TANGO2: variants seen among roughly 807,000 people sequenced by gnomAD.
TANGO2 encodes the protein transport and Golgi organization protein 2 homolog.
In TANGO2, 26 loss-of-function variants were observed where a neutral mutation model predicts 39.1. That is an observed-to-expected ratio of 0.67 (90% CI 0.49 to 0.92). The LOEUF (loss-of-function observed/expected upper bound fraction) is 0.92, where lower values mean the gene tolerates loss of function less well. TANGO2 is among the 40% of genes least tolerant of loss of function. The pLI, the probability that TANGO2 is intolerant of heterozygous loss-of-function variation, is 0.00. For synonymous variants in TANGO2, 131 were observed against 144.5 expected, an observed-to-expected ratio of 0.91 and a Z score of 0.67; for missense variants, 326 against 360.1, an observed-to-expected ratio of 0.91 and a Z score of 0.77.
intron 3 of TANGO2, among the ~76,000 whole-genome samples, chr22:20,051,577 T>C (rs553559914): frequency 8.6e-5 from 13 of 151,250 alleles, no homozygotes; most frequent in African/African-American, 3.2e-4. Flanking sequence ...TCCTAGCCAG[T>C]GCAGTGGCTC....
chr22:20,062,940 G>A (rs2048648713), intron 7 of TANGO2: 1 of 171,470 alleles, frequency 5.8e-6, no homozygotes, highest in South Asian at 1.6e-4. Flanking sequence ...GGTCAACATG[G>A]TGAAACTCTG....
chr22:20,059,294 C>T (rs1457983699), intron 6 of TANGO2, among the ~76,000 whole-genome samples: 1 of 152,198 alleles, frequency 6.6e-6, no homozygotes, highest in Non-Finnish European at 1.5e-5. Context: ...CATTAATGGA[C>T]ACTTGAGTTT....
chr22:20,048,258 C>G (rs956586081), intron 3 of TANGO2: 4 of 152,180 alleles, frequency 2.6e-5, no homozygotes, highest in Non-Finnish European at 1.5e-5. Context: ...GCTTTTCCTG[C>G]TTTGCTTGGA....
chr22:20,036,921 A>AC, intron 2 of TANGO2, 67 bp downstream of exon 2: 1 of 1,613,984 alleles, frequency 6.2e-7, no homozygotes. Flanking sequence ...TTCTCATGCC[A>AC]CCCAAGCTGC....
chr22:20,063,658 AGCCACACAGGGCCAGGAT>A, intron 8 of TANGO2: 1 of 509,356 alleles, frequency 2.0e-6, no homozygotes, highest in Admixed American at 3.6e-5. Flanking sequence ...GCCAGTACAC[AGCCACACAGGGCCAGGAT>A]GGCTTCAGGG....
intron 3 of TANGO2, among the ~76,000 whole-genome samples, chr22:20,045,272 C>CAA (rs695778): frequency 9.4e-4 from 114 of 121,242 alleles, no homozygotes; most frequent in Non-Finnish European, 1.6e-3. Flanking sequence ...CCTGTCTTTA[C>CAA]AAAAAAAAAA....
At chr22:20,027,546 CAT>C (rs1400979936) in intron 1 of TANGO2, among the ~76,000 whole-genome samples, 3 of 152,170 alleles carry the variant, frequency 2.0e-5, no homozygotes, top group East Asian at 1.9e-4. Flanking sequence ...TGTCTGCTCA[CAT>C]GTGTGTGCAA....
intron 2 of TANGO2, among the ~76,000 whole-genome samples, chr22:20,042,445 A>C (rs376820498): frequency 6.6e-6 from 1 of 152,284 alleles, no homozygotes; most frequent in African/African-American, 2.4e-5. Context: ...TAAAGTTTAG[A>C]TGTCTCTCCT....
intron 6 of TANGO2, chr22:20,056,777 A>G (rs2047440866): frequency 4.4e-6 from 2 of 456,624 alleles, no homozygotes; most frequent in Non-Finnish European, 4.4e-6. Flanking sequence ...ACAAAACTGT[A>G]GGGACCATAG....
At chr22:20,059,787 T>G (rs542018262) in intron 6 of TANGO2, among the ~76,000 whole-genome samples, 3 of 152,314 alleles carry the variant, frequency 2.0e-5, no homozygotes, top group Non-Finnish European at 2.9e-5. Context: ...AGCTTAAAAT[T>G]TTTAAGTCCT....
At chr22:20,041,937 T>C (rs535706307) in intron 2 of TANGO2, among the ~76,000 whole-genome samples, 22 of 152,324 alleles carry the variant, frequency 1.4e-4, no homozygotes, top group African/African-American at 5.3e-4. Context: ...GCTCTGCTCC[T>C]TGGAGCTGCC....
intron 5 of TANGO2, chr22:20,053,977 G>T (rs145835619): frequency 7.9e-5 from 27 of 342,396 alleles, no homozygotes; most frequent in Admixed American, 4.9e-4. Context: ...TTGCCCTTCC[G>T]TGAAGTGAGC....
chr22:20,060,802 C>T (rs2048252336), intron 6 of TANGO2, among the ~76,000 whole-genome samples: 1 of 152,148 alleles, frequency 6.6e-6, no homozygotes, highest in Non-Finnish European at 1.5e-5. Flanking sequence ...CTCCCTGGTG[C>T]ATCATTTGGG....
At chr22:20,049,887 A>T (rs1290114710) in intron 3 of TANGO2, among the ~76,000 whole-genome samples, 2 of 152,214 alleles carry the variant, frequency 1.3e-5, no homozygotes, top group African/African-American at 2.4e-5. Context: ...TCTAAGAAGT[A>T]CCCAGTGAAA....
chr22:20,064,392 A>T, intron 8 of TANGO2, 150 bp from the exon 9 acceptor site: 1 of 938,512 alleles, frequency 1.1e-6, no homozygotes, highest in Non-Finnish European at 1.6e-6. Flanking sequence ...CATCCCCAAG[A>T]CTGAGGCTGC....
In TANGO2 at chr22:20,065,825, C is replaced by G. The variant is rs2049133097; in HGVS notation, c.*1163C>G. ...CCTCTGGCAGCCCCATCTCAGCCAG[C>G]CCTGCTCTCTCCCTCTTCCCTCCAG... On this transcript the variant is annotated 3_prime_UTR_variant, in exon 9 of 9. Transcript: ENST00000327374. 1 of 152,416 alleles carries G rather than the reference C, an allele frequency of 6.6e-6. No individual in the cohort carries two copies. The highest frequency in any genetic ancestry group is 2.4e-5 in the African/African-American group (1 of 41,464). The allele number at this position is 152,416 out of a possible 1,614,324, so 9.4% of individuals were successfully genotyped here. A position where few individuals can be genotyped will look rare whatever the true frequency, so the allele number is the denominator to read the frequency against.
At position 20,061,635 on chromosome 22, in the gene TANGO2, A is replaced by AGGATGTGCTCATCGCCAGCCTCCT; in HGVS notation, c.569_592dup (p.Ile190_Leu197dup). On this transcript the variant is annotated inframe_insertion, in exon 7 of 9. Transcript: ENST00000327374. ...GTGGAACGGAGCCAGGCGCTGCCCA[A>AGGATGTGCTCATCGCCAGCCTCCT]GGATGTGCTCATCGCCAGCCTCCTG... 1 of 1,567,594 alleles carries AGGATGTGCTCATCGCCAGCCTCCT rather than the reference A, an allele frequency of 6.4e-7. No homozygotes were observed. Among genetic ancestry groups the AGGATGTGCTCATCGCCAGCCTCCT allele is most frequent in the Non-Finnish European group, 8.7e-7 (1 of 1,155,578 alleles).
At chr22:20,019,760 G>T (rs1237681475), upstream of TANGO2, among the ~76,000 whole-genome samples, 1 of 152,156 alleles carries the variant, frequency 6.6e-6, no homozygotes, top group Non-Finnish European at 1.5e-5. Flanking sequence ...CCACCTCTTG[G>T]CCCTATAGAT....
chr22:20,036,748 C>T lies in TANGO2; in HGVS notation c.-39-12C>T, dbSNP rs766551045. Reference sequence around the variant, plus strand: ...GCCATCCGCTCAACTCAGTGTTTTCCTTTTCCCGCAGACCTCGCGACCTGT... The same window carrying T: ...GCCATCCGCTCAACTCAGTGTTTTCTTTTTCCCGCAGACCTCGCGACCTGT... On this transcript the variant is annotated splice_polypyrimidine_tract_variant and intron_variant, in intron 1 of 8. Transcript: ENST00000327374. 30 of 1,612,520 alleles carry T rather than the reference C, an allele frequency of 1.9e-5. No homozygotes were observed. The highest frequency in any genetic ancestry group is 2.3e-5 in the Non-Finnish European group (27 of 1,178,696).
Sources: gnomAD v4.1 joint callset for allele counts (sites outside exome capture counted in the v4.1 genomes callset) on GRCh38, gnomAD v4.1.1 for gene constraint, MANE v1.5 for transcripts, NCBI Gene and HGNC (gene_info 2026-07-23, HGNC 2026-07-21) for gene names.